Variants in SLITRK1 observed in about 807,000 individuals in gnomAD.
SLITRK1 encodes SLIT and NTRK-like protein 1.
In SLITRK1, 10 loss-of-function variants were observed where a neutral mutation model predicts 42.4. The observed-to-expected ratio is 0.24, with a 90% CI of 0.15 to 0.40. The LOEUF (loss-of-function observed/expected upper bound fraction) is 0.40, where lower values mean the gene tolerates loss of function less well. SLITRK1 is among the 10% of genes least tolerant of loss of function. The probability of loss-of-function intolerance (pLI) is 1.00; values close to 1 mark genes in which losing one functional copy is unlikely to be tolerated. For synonymous variants in SLITRK1, 389 were observed against 365.7 expected (o/e 1.06, Z -0.73); for missense variants, 778 against 848.8 (o/e 0.92, Z 1.04).
At position 83,877,546 on chromosome 13, in the gene SLITRK1, C is replaced by G. The variant is rs866595439; in HGVS notation, c.*1871G>C. The G allele has an allele frequency of 3.9e-5, 6 of 152,154 alleles. No homozygotes were observed. Among genetic ancestry groups the G allele is most frequent in the Admixed American group, 2.0e-4 (3 of 15,276 alleles). 9.4% of individuals were successfully genotyped at this position (152,154 alleles called of 1,614,324 possible). On this transcript the variant is annotated 3_prime_UTR_variant, in exon 2 of 2. Transcript: ENST00000674365. Reference sequence around the variant, plus strand: ...CAGAGTTACATTGGTTCATAAAATTCGAACAGTTGAAGCTGTTTTTGTTAA... The same window carrying G: ...CAGAGTTACATTGGTTCATAAAATTGGAACAGTTGAAGCTGTTTTTGTTAA...
Position 83,878,445 on chromosome 13 carries a change from T to TGATGA in SLITRK1, c.*971_*972insTCATC, listed in dbSNP as rs1421888683. On this transcript the variant is annotated 3_prime_UTR_variant, in exon 2 of 2. Coordinates refer to ENST00000674365, the MANE Select transcript of SLITRK1 (RefSeq NM_001281503.2). Reference sequence around the variant, plus strand: ...CATGCTTAACTGCCTCAAAATCATTTTTTAAATAATTACACTGATACTATA... The same window carrying TGATGA: ...CATGCTTAACTGCCTCAAAATCATTTGATGATTTAAATAATTACACTGATACTATA... The TGATGA allele has an allele frequency of 2.0e-5, 3 of 152,544 alleles. No individual in the cohort carries two copies. Among genetic ancestry groups the TGATGA allele is most frequent in the Non-Finnish European group, 2.9e-5 (2 of 68,032 alleles). The allele number at this position is 152,544 out of a possible 1,614,324, so 9.4% of individuals were successfully genotyped here. A position where few individuals can be genotyped will look rare whatever the true frequency, so the allele number is the denominator to read the frequency against.
In SLITRK1 at chr13:83,880,847, G is replaced by A. The variant is rs1044232177; in HGVS notation, c.661C>T (p.Leu221Phe). The A allele has an allele frequency of 6.2e-7, 1 of 1,614,152 alleles. No individual in the cohort carries two copies. Among genetic ancestry groups the A allele is most frequent in the African/African-American group, 1.3e-5 (1 of 75,040 alleles). Reference sequence around the variant, plus strand: ...TTTTCCAGCCATTCTTTCAGGGAGAGCAGATCACAGGTGCAGTCCCAAGGG... The same window carrying A: ...TTTTCCAGCCATTCTTTCAGGGAGAACAGATCACAGGTGCAGTCCCAAGGG... ...DNPWDCTCDL[L>F]SLKEWLENIP... Residue 221 changes from leucine (L) to phenylalanine (F), a missense_variant, in exon 2 of 2, where the codon CTC (leucine) becomes TTC (phenylalanine). Leu to Phe is a conservative substitution (Grantham distance 22). This residue lies in a region of SLITRK1 where 204 missense variants were observed against 295.3 expected (regional missense o/e 0.69). Transcript: ENST00000674365.
Position 83,879,814 on chromosome 13 carries a change from A to C in SLITRK1, c.1694T>G (p.Phe565Cys), listed in dbSNP as rs767747755. 6.2e-7 allele frequency: 1 copy of C among 1,614,062 alleles called. No homozygotes were observed. Reference sequence around the variant, plus strand: ...GGAGAGGAGCATGAAATCCTTTCTAAAGAAGTTCACCGGCGTCTCACACTT... The same window carrying C: ...GGAGAGGAGCATGAAATCCTTTCTACAGAAGTTCACCGGCGTCTCACACTT... ...DLKCETPVNF[F>C]RKDFMLLSND... The change falls in exon 2 of 2, where the codon TTT becomes TGT. Residue 565 changes from phenylalanine (F) to cysteine (C), a missense_variant. By Grantham distance (205) the Phe-to-Cys change is radical (BLOSUM62 -2). Transcript: ENST00000674365.
Position 83,881,517 on chromosome 13 carries a change from G to A in SLITRK1, c.-10C>T. On this transcript the variant is annotated 5_prime_UTR_variant, in exon 2 of 2. Transcript: ENST00000674365. Reference sequence around the variant, plus strand: ...GAATCCAAAGCAGCATTTTTAAAGCGAGCAATTCATCCCCGATCTCATCAC... The same window carrying A: ...GAATCCAAAGCAGCATTTTTAAAGCAAGCAATTCATCCCCGATCTCATCAC... 6.2e-7 allele frequency: 1 copy of A among 1,613,194 alleles called. No homozygotes were observed. Among genetic ancestry groups the A allele is most frequent in the African/African-American group, 1.3e-5 (1 of 74,898 alleles).
Position 83,879,247 on chromosome 13 carries a change from TAA to T in SLITRK1, c.*168_*169del. 1.3e-6 allele frequency: 1 copy of T among 760,170 alleles called. No homozygotes were observed. The highest frequency in any genetic ancestry group is 2.1e-6 in the Non-Finnish European group (1 of 465,706). The allele number at this position is 760,170 out of a possible 1,614,324, so 47.1% of individuals were successfully genotyped here. On this transcript the variant is annotated 3_prime_UTR_variant, in exon 2 of 2. Transcript: ENST00000674365. ...TCTTTGTTTCAAGGAGGGAGCTAAGTAAGGGGTCAGGCCCTTTCGGTTGTGCG... is the reference window on the plus strand; with the variant it reads ...TCTTTGTTTCAAGGAGGGAGCTAAGTGGGGTCAGGCCCTTTCGGTTGTGCG...
rs570782865 is a variant in SLITRK1 at position 83,879,755 on chromosome 13, T to C, written c.1753A>G (p.Ile585Val). 7.4e-6 allele frequency: 12 copies of C among 1,613,910 alleles called. No individual in the cohort carries two copies. The East Asian group carries it at 2.0e-4, about 27-fold the overall frequency. The change falls in exon 2 of 2, where the codon ATC becomes GTC. Residue 585 changes from isoleucine (I) to valine (V), a missense_variant. This residue lies in a region of SLITRK1 where 164 missense variants were observed against 158.2 expected (regional missense o/e 1.04). Coordinates refer to ENST00000674365, the MANE Select transcript of SLITRK1 (RefSeq NM_001281503.2). ...DEICPQLYAR[I>V]SPTLTSHSKN... ...CTGTGCGAAGTTAACGTGGGCGAGA[T>C]CCTAGCGTACAGCTGAGGGCAGATC...
Position 83,877,236 on chromosome 13 carries a change from A to G in SLITRK1, c.*2181T>C, listed in dbSNP as rs950099749. The G allele has an allele frequency of 7.2e-5, 11 of 152,238 alleles. No individual in the cohort carries two copies. The highest frequency in any genetic ancestry group is 2.0e-4 in the Admixed American group (3 of 15,286). The allele number at this position is 152,238 out of a possible 1,614,324, so 9.4% of individuals were successfully genotyped here. Reference sequence around the variant, plus strand: ...TTTATAATAAAGATTTTATTAAAAAAGTGTTAAAATAAATAATACATATTC... The same window carrying G: ...TTTATAATAAAGATTTTATTAAAAAGGTGTTAAAATAAATAATACATATTC... On this transcript the variant is annotated 3_prime_UTR_variant, in exon 2 of 2. Transcript: ENST00000674365.
rs1028483464 is a variant in SLITRK1, at chr13:83,881,225, G to A, written c.283C>T (p.His95Tyr). Residue 95 changes from histidine (H) to tyrosine (Y), a missense_variant, in exon 2 of 2, where the codon CAT (histidine) becomes TAT (tyrosine). Coordinates refer to ENST00000674365, the MANE Select transcript of SLITRK1 (RefSeq NM_001281503.2). ...AGAAAAGCCCCCGGAACGATTTCAT[G>A]CAAGCCATTGTTTTCCATGTGCAAA... ...VSLHMENNGL[H>Y]EIVPGAFLGL... 6.2e-7 allele frequency: 1 copy of A among 1,614,144 alleles called. No homozygotes were observed. The highest frequency in any genetic ancestry group is 8.5e-7 in the Non-Finnish European group (1 of 1,180,038).
rs902878090 is a variant in SLITRK1, at chr13:83,877,789, T to C, written c.*1628A>G. The C allele has an allele frequency of 1.3e-5, 2 of 152,510 alleles. No individual in the cohort carries two copies. The highest frequency in any genetic ancestry group is 2.4e-5 in the African/African-American group (1 of 41,396). 9.4% of individuals were successfully genotyped at this position (152,510 alleles called of 1,614,324 possible). ...TGCCAGTCATTAGGTCTGTCTTTCA[T>C]TGAGGAGTGCTGACCAATGAAATCT... On this transcript the variant is annotated 3_prime_UTR_variant, in exon 2 of 2. Transcript: ENST00000674365.
At chr13:83,881,960 T>C (rs1884824589) in intron 1 of SLITRK1, 44 bp downstream of exon 1, 2 of 179,480 alleles carry the variant, frequency 1.1e-5, no homozygotes, top group Admixed American at 1.2e-4. Flanking sequence ...GTTTGCAGCG[T>C]AGTACAGGCG....
At position 83,877,785 on chromosome 13, in the gene SLITRK1, T is replaced by C. The variant is rs1398228825; in HGVS notation, c.*1632A>G. 6.6e-6 allele frequency: 1 copy of C among 152,520 alleles called. No homozygotes were observed. The allele number at this position is 152,520 out of a possible 1,614,324, so 9.4% of individuals were successfully genotyped here. A position where few individuals can be genotyped will look rare whatever the true frequency, so the allele number is the denominator to read the frequency against. ...CAAATGCCAGTCATTAGGTCTGTCTTTCATTGAGGAGTGCTGACCAATGAA... is the reference window on the plus strand; with the variant it reads ...CAAATGCCAGTCATTAGGTCTGTCTCTCATTGAGGAGTGCTGACCAATGAA... On this transcript the variant is annotated 3_prime_UTR_variant, in exon 2 of 2. Coordinates refer to ENST00000674365, the MANE Select transcript of SLITRK1 (RefSeq NM_001281503.2).
rs1386047568 is a variant in SLITRK1 at position 83,878,166 on chromosome 13, C to T, written c.*1251G>A. The T allele has an allele frequency of 1.3e-5, 2 of 152,402 alleles. No individual in the cohort carries two copies. Among genetic ancestry groups the T allele is most frequent in the African/African-American group, 4.8e-5 (2 of 41,386 alleles). The allele number at this position is 152,402 out of a possible 1,614,324, so 9.4% of individuals were successfully genotyped here. On this transcript the variant is annotated 3_prime_UTR_variant, in exon 2 of 2. Coordinates refer to ENST00000674365, the MANE Select transcript of SLITRK1 (RefSeq NM_001281503.2). ...GAAGGGATCTAACCCCAACCGTTTCCCTCCCCTGTCTCTTCCACCGCAAAT... is the reference window on the plus strand; with the variant it reads ...GAAGGGATCTAACCCCAACCGTTTCTCTCCCCTGTCTCTTCCACCGCAAAT...
chr13:83,878,747 A>C lies in SLITRK1; in HGVS notation c.*670T>G, dbSNP rs2137215061. 1 of 152,900 alleles carries C rather than the reference A, an allele frequency of 6.5e-6. No individual in the cohort carries two copies. Among genetic ancestry groups the C allele is most frequent in the Middle Eastern group, 3.4e-3 (1 of 294 alleles). The allele number at this position is 152,900 out of a possible 1,614,324, so 9.5% of individuals were successfully genotyped here. ...GCCTACCGATCACAAATAATGGCGA[A>C]ATGGCACTTTCTGATTATACTGTAT... is the stretch of plus-strand genomic sequence containing the variant. On this transcript the variant is annotated 3_prime_UTR_variant, in exon 2 of 2. Coordinates refer to ENST00000674365, the MANE Select transcript of SLITRK1 (RefSeq NM_001281503.2).
chr13:83,881,755 A>C, intron 1 of SLITRK1, 195 bp from the exon 2 acceptor site: 1 of 417,398 alleles, frequency 2.4e-6, no homozygotes, highest in Non-Finnish European at 4.3e-6. Context: ...AGCAAAGAAA[A>C]AAAAAAAAAA....
chr13:83,881,666 T>G, intron 1 of SLITRK1, 106 bp from the exon 2 acceptor site: 1 of 748,150 alleles, frequency 1.3e-6, no homozygotes, highest in South Asian at 1.7e-5. Context: ...CCTTCCTCCC[T>G]AACCCCCCCG....
At position 83,880,925 on chromosome 13, in the gene SLITRK1, C is replaced by G; in HGVS notation, c.583G>C (p.Glu195Gln). 6.2e-7 allele frequency: 1 copy of G among 1,614,058 alleles called. No homozygotes were observed. The highest frequency in any genetic ancestry group is 8.5e-7 in the Non-Finnish European group (1 of 1,180,016). The change falls in exon 2 of 2, where the codon GAG becomes CAG. Residue 195 changes from glutamate to glutamine, a missense_variant. By Grantham distance (29) the Glu-to-Gln change is conservative. Around this residue, in one of 4 missense-constraint regions of SLITRK1, gnomAD observed 204 missense variants for 295.3 expected, o/e 0.69. Coordinates refer to ENST00000674365, the MANE Select transcript of SLITRK1 (RefSeq NM_001281503.2). ...RGNRLKTLPY[E>Q]EVLEQIPGIA... ...CCAGGGATTTGCTCCAAGACCTCCTCATAGGGCAGCGTTTTCAGCCTGTTA... is the reference window on the plus strand; with the variant it reads ...CCAGGGATTTGCTCCAAGACCTCCTGATAGGGCAGCGTTTTCAGCCTGTTA...
Position 83,879,078 on chromosome 13 carries a change from C to A in SLITRK1, c.*339G>T, listed in dbSNP as rs975657411. On this transcript the variant is annotated 3_prime_UTR_variant, in exon 2 of 2. Transcript: ENST00000674365. ...TGGATATATGTATATATGTATAGAACCGCGGCATCCAACCCCACAGGCCCC... is the reference window on the plus strand; with the variant it reads ...TGGATATATGTATATATGTATAGAAACGCGGCATCCAACCCCACAGGCCCC... 1 of 386,474 alleles carries A rather than the reference C, an allele frequency of 2.6e-6. No individual in the cohort carries two copies. The highest frequency in any genetic ancestry group is 4.9e-6 in the Non-Finnish European group (1 of 202,742). 23.9% of individuals were successfully genotyped at this position (386,474 alleles called of 1,614,324 possible).
chr13:83,881,611 GC>G, intron 1 of SLITRK1, 51 bp from the exon 2 acceptor site: 1 of 576,570 alleles, frequency 1.7e-6, no homozygotes, highest in Non-Finnish European at 3.2e-6. Context: ...AATGTCCGAA[GC>G]CAGGAAAGGA....
chr13:83,881,585 G>C, intron 1 of SLITRK1, 25 bp from the exon 2 acceptor site: 1 of 1,249,260 alleles, frequency 8.0e-7, no homozygotes, highest in Admixed American at 1.9e-5. Flanking sequence ...CACAATTCAA[G>C]TTCATTTAGT....
Sources: allele counts gnomAD v4.1 joint callset, GRCh38; gene constraint gnomAD v4.1.1; regional missense constraint gnomAD v4.1.1; transcripts MANE v1.5; gene names NCBI Gene and HGNC (gene_info 2026-07-23, HGNC 2026-07-21).